HS6ST3: variants seen among roughly 807,000 people sequenced by gnomAD.
HS6ST3 encodes the protein heparan-sulfate 6-O-sulfotransferase 3.
HS6ST3 carries 12 observed loss-of-function variants against 36.7 expected under a neutral mutation model. That is an observed-to-expected ratio of 0.33 (90% confidence interval 0.21 to 0.53). The LOEUF (loss-of-function observed/expected upper bound fraction) is 0.53. Among genes scored for constraint, HS6ST3 ranks in the 20% least tolerant of loss-of-function variants. HS6ST3 has a pLI of 0.95. For missense variants in HS6ST3, 584 were observed against 640.9 expected (o/e 0.91, Z 0.96); for synonymous variants, 240 against 257.5 (o/e 0.93, Z 0.65).
chr13:96,312,817 T>TG, intron 1 of HS6ST3, among the ~76,000 whole-genome samples: 1 of 151,530 alleles, frequency 6.6e-6, no homozygotes, highest in Non-Finnish European at 1.5e-5. Flanking sequence ...CCAGGCACAG[T>TG]GGTGGGTGCC....
At chr13:96,248,304 A>G (rs1456016315) in intron 1 of HS6ST3, among the ~76,000 whole-genome samples, 1 of 152,124 alleles carries the variant, frequency 6.6e-6, no homozygotes, top group Non-Finnish European at 1.5e-5. Flanking sequence ...GTGTTTGCAT[A>G]GCTTCTGTGA....
At chr13:96,639,579 C>T (rs1457591070) in intron 1 of HS6ST3, among the ~76,000 whole-genome samples, 6 of 151,830 alleles carry the variant, frequency 4.0e-5, no homozygotes, top group East Asian at 1.9e-4. Context: ...TCAAGGGATA[C>T]GTGTGCAGGT....
chr13:96,748,271 A>C (rs1223302786), intron 1 of HS6ST3, among the ~76,000 whole-genome samples: 1 of 152,032 alleles, frequency 6.6e-6, no homozygotes, highest in African/African-American at 2.4e-5. Flanking sequence ...CCCCTGGACC[A>C]ATCACTGGTT....
At chr13:96,813,441 C>T (rs188117366) in intron 1 of HS6ST3, among the ~76,000 whole-genome samples, 3 of 152,286 alleles carry the variant, frequency 2.0e-5, no homozygotes, top group African/African-American at 7.2e-5. Context: ...ACAGCCTCCC[C>T]ACTGGGGTTC....
chr13:96,514,600 G>T (rs552458477), intron 1 of HS6ST3, among the ~76,000 whole-genome samples: 1 of 152,128 alleles, frequency 6.6e-6, no homozygotes, highest in Non-Finnish European at 1.5e-5. Context: ...GCGAGAAGGC[G>T]GCTGCCGACA....
chr13:96,376,262 A>G lies in HS6ST3; in HGVS notation c.707+284693A>G, dbSNP rs541993129. Among the ~76,000 whole-genome samples, 10 of 152,344 alleles carry G rather than the reference A, an allele frequency of 6.6e-5. No homozygotes were observed. The South Asian group carries it at 1.7e-3, about 25-fold the overall frequency. On this transcript the variant is annotated intron_variant, in intron 1 of 1. Coordinates refer to ENST00000376705, the MANE Select transcript of HS6ST3 (RefSeq NM_153456.4). ...AATGTGCAAATATGCTGCCACTAGCATTTGGGCTTTTCATGAAAAGTGCTT... is the reference window on the plus strand; with the variant it reads ...AATGTGCAAATATGCTGCCACTAGCGTTTGGGCTTTTCATGAAAAGTGCTT...
intron 1 of HS6ST3, among the ~76,000 whole-genome samples, chr13:96,554,606 C>CA (rs2056232341): frequency 6.6e-6 from 1 of 152,156 alleles, no homozygotes; most frequent in Non-Finnish European, 1.5e-5. Flanking sequence ...TAACATTGCA[C>CA]AAAATCCCAT....
At chr13:96,600,404 C>T (rs2056417326) in intron 1 of HS6ST3, among the ~76,000 whole-genome samples, 1 of 150,290 alleles carries the variant, frequency 6.7e-6, no homozygotes, top group Non-Finnish European at 1.5e-5. Flanking sequence ...TTGAATTGAT[C>T]CTTTATTATT....
intron 1 of HS6ST3, among the ~76,000 whole-genome samples, chr13:96,454,280 C>T (rs113335393): frequency 9.2e-5 from 14 of 152,052 alleles, no homozygotes; most frequent in African/African-American, 3.4e-4. Context: ...TGTGCTGATG[C>T]GGACCAGCCA....
intron 1 of HS6ST3, among the ~76,000 whole-genome samples, chr13:96,467,083 A>G (rs890288281): frequency 6.6e-6 from 1 of 152,134 alleles, no homozygotes; most frequent in Non-Finnish European, 1.5e-5. Flanking sequence ...TCTGACTCCC[A>G]TTGCAACATA....
chr13:96,321,380 A>G (rs1667824725), intron 1 of HS6ST3, among the ~76,000 whole-genome samples: 1 of 151,892 alleles, frequency 6.6e-6, no homozygotes, highest in Admixed American at 6.6e-5. Context: ...CATGTCCTTT[A>G]TCACCACTCC....
chr13:96,838,212 T>C lies in HS6ST3; in HGVS notation c.*5014T>C, dbSNP rs539249103. The C allele has an allele frequency of 2.6e-5, 4 of 151,844 alleles. No individual in the cohort carries two copies. The South Asian group carries it at 8.3e-4, about 32-fold the overall frequency. 9.4% of individuals were successfully genotyped at this position (151,844 alleles called of 1,614,324 possible). ...TATATGACATGTAATACTGAAAAAA[T>C]AGAAAAATGACTAAGATACAGTCTC... On this transcript the variant is annotated 3_prime_UTR_variant, in exon 2 of 2. Transcript: ENST00000376705.
At chr13:96,231,270 C>T (rs2054506714) in intron 1 of HS6ST3, among the ~76,000 whole-genome samples, 1 of 152,090 alleles carries the variant, frequency 6.6e-6, no homozygotes, top group Non-Finnish European at 1.5e-5. Flanking sequence ...GGCTTGAAAT[C>T]CTGAATTTGT....
chr13:96,710,926 G>A (rs2138460782), intron 1 of HS6ST3, among the ~76,000 whole-genome samples: 1 of 152,332 alleles, frequency 6.6e-6, no homozygotes, highest in Admixed American at 6.5e-5. Flanking sequence ...AATGGACATA[G>A]CAAGTTGGAA....
intron 1 of HS6ST3, among the ~76,000 whole-genome samples, chr13:96,369,159 A>G (rs1328892731): frequency 1.3e-5 from 2 of 152,104 alleles, no homozygotes; most frequent in Non-Finnish European, 2.9e-5. Flanking sequence ...GCATTGCCAT[A>G]GGTTCATCCC....
chr13:96,702,406 C>T (rs1875313518), intron 1 of HS6ST3, among the ~76,000 whole-genome samples: 1 of 152,178 alleles, frequency 6.6e-6, no homozygotes, highest in Non-Finnish European at 1.5e-5. Flanking sequence ...GACAATCTTT[C>T]TATGTAGTAC....
chr13:96,450,157 T>C (rs2055720640), intron 1 of HS6ST3, among the ~76,000 whole-genome samples: 1 of 152,208 alleles, frequency 6.6e-6, no homozygotes, highest in Admixed American at 6.5e-5. Context: ...GTCAGTGAAT[T>C]TGGAAACATG....
At chr13:96,249,801 A>G (rs2054599597) in intron 1 of HS6ST3, among the ~76,000 whole-genome samples, 1 of 152,206 alleles carries the variant, frequency 6.6e-6, no homozygotes, top group Non-Finnish European at 1.5e-5. Flanking sequence ...CTACAACATG[A>G]TGAACTTTGA....
At chr13:96,615,151 G>GA (rs1275260678) in intron 1 of HS6ST3, among the ~76,000 whole-genome samples, 1 of 152,034 alleles carries the variant, frequency 6.6e-6, no homozygotes, top group Non-Finnish European at 1.5e-5. Context: ...TTAATGGAAT[G>GA]AAAAAAACCA....
Sources: allele counts gnomAD v4.1 joint callset (sites outside exome capture counted in the v4.1 genomes callset), GRCh38; gene constraint gnomAD v4.1.1; transcripts MANE v1.5; gene names NCBI Gene and HGNC (gene_info 2026-07-23, HGNC 2026-07-21).